The following SEMA5A variants were observed in gnomAD, a reference collection of about 807,000 sequenced individuals.
The protein encoded by SEMA5A is semaphorin 5A.
Under a neutral mutation model 135.5 loss-of-function variants are expected in SEMA5A, and 55 were observed. The observed-to-expected ratio is 0.41, with a 90% confidence interval of 0.33 to 0.51. The LOEUF (loss-of-function observed/expected upper bound fraction) is 0.51, where lower values mean the gene tolerates loss of function less well. SEMA5A is among the 20% of genes least tolerant of loss of function. The pLI is 0.37. For missense variants in SEMA5A, 1,290 were observed against 1,419.9 expected, an observed-to-expected ratio of 0.91 and a Z score of 1.47; for synonymous variants, 580 against 546.5, an observed-to-expected ratio of 1.06 and a Z score of -0.85.
intron 11 of SEMA5A, among the ~76,000 whole-genome samples, chr5:9,168,003 G>A (rs1341122439): frequency 1.3e-5 from 2 of 152,140 alleles, no homozygotes; most frequent in African/African-American, 4.8e-5. Flanking sequence ...GAATAACCAT[G>A]TTAAAAATTC....
At chr5:9,114,640 T>G (rs1740418173) in intron 15 of SEMA5A, among the ~76,000 whole-genome samples, 1 of 152,166 alleles carries the variant, frequency 6.6e-6, no homozygotes, top group Non-Finnish European at 1.5e-5. Context: ...TAAGGAAATT[T>G]CCAAACAAAG....
At chr5:9,325,425 G>A (rs139394998) in intron 4 of SEMA5A, among the ~76,000 whole-genome samples, 29 of 152,246 alleles carry the variant, frequency 1.9e-4, no homozygotes, top group African/African-American at 5.3e-4. Context: ...CCCATTCTTC[G>A]TTTCCCCACT....
chr5:9,479,336 A>G (rs1204428887), intron 1 of SEMA5A, among the ~76,000 whole-genome samples: 2 of 151,592 alleles, frequency 1.3e-5, no homozygotes, highest in Admixed American at 1.3e-4. Flanking sequence ...GTGAGCTATG[A>G]TTGTGCTATG....
intron 5 of SEMA5A, among the ~76,000 whole-genome samples, chr5:9,275,262 C>A (rs562989449): frequency 1.3e-5 from 2 of 151,590 alleles, no homozygotes; most frequent in Admixed American, 6.5e-5. Context: ...GACACATACA[C>A]CCTCCCAAGA....
chr5:9,341,189 A>AAC (rs973334085), intron 3 of SEMA5A, among the ~76,000 whole-genome samples: 3,476 of 148,810 alleles, frequency 0.023, 122 homozygotes, highest in African/African-American at 0.08. Flanking sequence ...CACACATACA[A>AAC]ACACACACAC....
intron 6 of SEMA5A, among the ~76,000 whole-genome samples, chr5:9,231,774 G>T (rs1233400781): frequency 6.6e-6 from 1 of 152,158 alleles, no homozygotes; most frequent in African/African-American, 2.4e-5. Flanking sequence ...TGTCATCTAA[G>T]AATTTTTTCT....
chr5:9,250,203 A>G (rs1748700167), intron 5 of SEMA5A, among the ~76,000 whole-genome samples: 1 of 152,142 alleles, frequency 6.6e-6, no homozygotes, highest in Admixed American at 6.5e-5. Context: ...TAGCAGGGAC[A>G]ATAGGGATAG....
chr5:9,226,084 A>G (rs1430793840), intron 7 of SEMA5A, among the ~76,000 whole-genome samples: 2 of 152,064 alleles, frequency 1.3e-5, no homozygotes, highest in Non-Finnish European at 2.9e-5. Context: ...GCACCTAGAG[A>G]GCTCCCTGAG....
intron 11 of SEMA5A, among the ~76,000 whole-genome samples, chr5:9,182,877 A>G (rs1393788958): frequency 6.6e-6 from 1 of 152,106 alleles, no homozygotes; most frequent in East Asian, 1.9e-4. Context: ...AACATGCATC[A>G]TATCATGTAA....
intron 3 of SEMA5A, among the ~76,000 whole-genome samples, chr5:9,338,655 G>T (rs925096499): frequency 6.6e-6 from 1 of 152,036 alleles, no homozygotes; most frequent in African/African-American, 2.4e-5. Context: ...TCTGATTGTC[G>T]TTTTTTCTTG....
At chr5:9,498,673 G>A (rs1419784545) in intron 1 of SEMA5A, 8 of 151,982 alleles carry the variant, frequency 5.3e-5, no homozygotes, top group African/African-American at 7.3e-5. Flanking sequence ...GCAAATCGGC[G>A]GCACACACCC....
At chr5:9,321,484 A>G (rs1752625287) in intron 4 of SEMA5A, among the ~76,000 whole-genome samples, 1 of 152,110 alleles carries the variant, frequency 6.6e-6, no homozygotes, top group Non-Finnish European at 1.5e-5. Flanking sequence ...TCATGCAAAA[A>G]CCAGAGTTCT....
chr5:9,178,619 G>C (rs562538335), intron 11 of SEMA5A, among the ~76,000 whole-genome samples: 1 of 152,064 alleles, frequency 6.6e-6, no homozygotes, highest in South Asian at 2.1e-4. Context: ...ATGAGCCACC[G>C]CGCCCAGCCA....
chr5:9,341,205 TACACACAC>T (rs113319079), intron 3 of SEMA5A, among the ~76,000 whole-genome samples: 20 of 144,616 alleles, frequency 1.4e-4, no homozygotes, highest in African/African-American at 4.3e-4. Flanking sequence ...CACACACACA[TACACACAC>T]ACACACACAC....
chr5:9,087,640 C>G (rs1028757843), intron 16 of SEMA5A, among the ~76,000 whole-genome samples: 5 of 151,712 alleles, frequency 3.3e-5, no homozygotes, highest in African/African-American at 1.2e-4. Flanking sequence ...TCACTATAAA[C>G]ACACACACAC....
At chr5:9,162,577 T>TAA (rs1316347948) in intron 11 of SEMA5A, among the ~76,000 whole-genome samples, 3 of 128,496 alleles carry the variant, frequency 2.3e-5, no homozygotes, top group African/African-American at 6.4e-5. Context: ...TATATATATA[T>TAA]ATATATATAC....
chr5:9,215,116 A>C (rs1277872256), intron 8 of SEMA5A, among the ~76,000 whole-genome samples: 4 of 152,204 alleles, frequency 2.6e-5, no homozygotes, highest in Admixed American at 6.5e-5. Flanking sequence ...AGCAGACAGG[A>C]GATCACCATC....
At chr5:9,259,032 G>C (rs992314681) in intron 5 of SEMA5A, among the ~76,000 whole-genome samples, 1 of 151,990 alleles carries the variant, frequency 6.6e-6, no homozygotes, top group Admixed American at 6.6e-5. Context: ...ATGTTGGCGA[G>C]GTTAGTCTGG....
chr5:9,346,467 C>T (rs35178340), intron 3 of SEMA5A, among the ~76,000 whole-genome samples: 23,574 of 152,200 alleles, frequency 0.15, 2,051 homozygotes, highest in Middle Eastern at 0.25. Context: ...TTTAAGCTAT[C>T]TGCAGGCAGC....
Sources: allele counts gnomAD v4.1 joint callset (sites outside exome capture counted in the v4.1 genomes callset), GRCh38; gene constraint gnomAD v4.1.1; transcripts MANE v1.5; gene names NCBI Gene and HGNC (gene_info 2026-07-23, HGNC 2026-07-21).